CDHR3: variants seen among roughly 807,000 people sequenced by gnomAD.
The protein encoded by CDHR3 is cadherin-related family member 3.
CDHR3 carries 79 observed loss-of-function variants against 86.6 expected under a neutral mutation model. The ratio of observed to expected loss-of-function variants is 0.91; its 90% CI spans 0.76 to 1.10. The LOEUF (loss-of-function observed/expected upper bound fraction) is 1.10, where lower values mean the gene tolerates loss of function less well. CDHR3 is among the 50% of genes least tolerant of loss of function. The pLI is 0.00. For missense variants in CDHR3, 1,081 were observed against 1,077.6 expected, an observed-to-expected ratio of 1.00 and a Z score of -0.04; for synonymous variants, 421 against 402.4, an observed-to-expected ratio of 1.05 and a Z score of -0.55.
At chr7:105,970,532 T>C (rs752578899) in intron 1 of CDHR3, among the ~76,000 whole-genome samples, 1 of 152,324 alleles carries the variant, frequency 6.6e-6, no homozygotes, top group African/African-American at 2.4e-5. Context: ...TCTTGCTCTC[T>C]AGCACTCAGA....
At chr7:106,001,174 G>A (rs570295939) in intron 6 of CDHR3, among the ~76,000 whole-genome samples, 2 of 152,310 alleles carry the variant, frequency 1.3e-5, no homozygotes, top group Non-Finnish European at 2.9e-5. Flanking sequence ...TAATGCCAAG[G>A]CTGATCTGAA....
At chr7:105,970,066 G>C (rs924602593) in intron 1 of CDHR3, among the ~76,000 whole-genome samples, 6 of 152,138 alleles carry the variant, frequency 3.9e-5, no homozygotes, top group African/African-American at 1.4e-4. Context: ...ACTGCTGTTT[G>C]ATTAGGTACT....
intron 4 of CDHR3, among the ~76,000 whole-genome samples, chr7:105,989,222 C>CACT (rs1563251227): frequency 2.2e-5 from 3 of 137,940 alleles, no homozygotes; most frequent in Non-Finnish European, 4.7e-5. Context: ...ACCCACCCCC[C>CACT]CACCTCTTCT....
chr7:105,981,019 T>C lies in CDHR3; in HGVS notation c.301T>C (p.Phe101Leu), dbSNP rs1829652493. ...AGATTTTGAAACAGGACCAAACATA[T>C]TTGATTTGCAGATTTATGTGAAGGA... ...QLDFETGPNI[F>L]DLQIYVKDEV... is the part of the protein sequence containing the mutation. The change falls in exon 3 of 19, where the codon TTT becomes CTT. Residue 101 changes from phenylalanine (F) to leucine (L), a missense_variant. Phe to Leu is a conservative substitution (Grantham distance 22). Transcript: ENST00000317716. The C allele has an allele frequency of 1.9e-6, 3 of 1,611,664 alleles. No homozygotes were observed. Among genetic ancestry groups the C allele is most frequent in the Non-Finnish European group, 2.5e-6 (3 of 1,178,848 alleles).
chr7:106,009,830 C>G (rs914436031), intron 8 of CDHR3, among the ~76,000 whole-genome samples: 1 of 152,252 alleles, frequency 6.6e-6, no homozygotes, highest in Non-Finnish European at 1.5e-5. Context: ...AAGCGCTTTG[C>G]AAGCTGTTTG....
intron 8 of CDHR3, among the ~76,000 whole-genome samples, chr7:106,006,790 A>G (rs1332056281): frequency 6.6e-6 from 1 of 152,070 alleles, no homozygotes; most frequent in Non-Finnish European, 1.5e-5. Flanking sequence ...CAGTGGATTT[A>G]CCATTCTGGG....
intron 9 of CDHR3, among the ~76,000 whole-genome samples, chr7:106,014,599 A>G (rs1368589093): frequency 5.9e-5 from 9 of 152,278 alleles, no homozygotes; most frequent in Admixed American, 4.6e-4. Flanking sequence ...GCCACTGCAC[A>G]CCAGCCTGGG....
At chr7:105,974,101 G>A (rs41262) in intron 1 of CDHR3, among the ~76,000 whole-genome samples, 1 of 152,172 alleles carries the variant, frequency 6.6e-6, no homozygotes, top group Non-Finnish European at 1.5e-5. Flanking sequence ...GCAAAGTCTT[G>A]TAGTGTTGTG....
intron 5 of CDHR3, among the ~76,000 whole-genome samples, chr7:105,995,401 A>G (rs1312133784): frequency 6.6e-6 from 1 of 151,524 alleles, no homozygotes; most frequent in African/African-American, 2.5e-5. Context: ...AGGTTAATAA[A>G]CCAGACCAAG....
chr7:106,017,298 T>C (rs1263557477), intron 11 of CDHR3, among the ~76,000 whole-genome samples: 1 of 152,162 alleles, frequency 6.6e-6, no homozygotes, highest in African/African-American at 2.4e-5. Context: ...GGCTGACGAC[T>C]ATAATCCTAG....
chr7:106,025,726 A>G (rs1837251234), intron 15 of CDHR3, among the ~76,000 whole-genome samples: 1 of 152,252 alleles, frequency 6.6e-6, no homozygotes, highest in African/African-American at 2.4e-5. Flanking sequence ...ACAAGGCATT[A>G]GAATAAAGAT....
rs1287609343 is a variant in CDHR3, at chr7:106,033,476, G to A, written c.*779G>A. 1 of 152,204 alleles carries A rather than the reference G, an allele frequency of 6.6e-6. No individual in the cohort carries two copies. Among genetic ancestry groups the A allele is most frequent in the Non-Finnish European group, 1.5e-5 (1 of 68,036 alleles). The allele number at this position is 152,204 out of a possible 1,614,324, so 9.4% of individuals were successfully genotyped here. A position where few individuals can be genotyped will look rare whatever the true frequency, so the allele number is the denominator to read the frequency against. Reference sequence around the variant, plus strand: ...AGTGAACTACAGGCAGGGCATGATGGCTCATGCCTGTAATGCCAGCACTTT... The same window carrying A: ...AGTGAACTACAGGCAGGGCATGATGACTCATGCCTGTAATGCCAGCACTTT... On this transcript the variant is annotated 3_prime_UTR_variant, in exon 19 of 19. Coordinates refer to ENST00000317716, the MANE Select transcript of CDHR3 (RefSeq NM_152750.5).
At chr7:105,975,130 T>A (rs1287490397) in intron 2 of CDHR3, 84 bp downstream of exon 2, 5 of 1,139,452 alleles carry the variant, frequency 4.4e-6, no homozygotes, top group Non-Finnish European at 6.6e-6. Context: ...AGATCAGTGA[T>A]TAATTCCTCC....
At position 106,032,647 on chromosome 7, in the gene CDHR3, A is replaced by T; in HGVS notation, c.2608A>T (p.Asn870Tyr). ...CAAGCTGGGCAACCCAAAGAACAGA[A>T]ATCCAGCCTTCATGAACAGGGCTTA... ...GGKLGNPKNR[N>Y]PAFMNRAYPK... Residue 870 changes from asparagine (N) to tyrosine (Y), a missense_variant, in exon 19 of 19, where the codon AAT becomes TAT. Transcript: ENST00000317716. 24 of 1,613,862 alleles carry T rather than the reference A, an allele frequency of 1.5e-5. No individual in the cohort carries two copies. Among genetic ancestry groups the T allele is most frequent in the Non-Finnish European group, 2.0e-5 (24 of 1,179,818 alleles).
chr7:106,023,551 T>TCCC (rs1241066777), intron 14 of CDHR3, among the ~76,000 whole-genome samples: 1 of 151,838 alleles, frequency 6.6e-6, no homozygotes, highest in African/African-American at 2.4e-5. Context: ...CTCCTCTTCC[T>TCCC]CCTCCTCCTC....
chr7:105,966,442 C>T (rs913780087), intron 1 of CDHR3, among the ~76,000 whole-genome samples: 1 of 152,192 alleles, frequency 6.6e-6, no homozygotes, highest in African/African-American at 2.4e-5. Flanking sequence ...ATCATCTGTG[C>T]GTGGTTCTCT....
In CDHR3 at chr7:106,027,284, C is replaced by T. The variant is rs1837505057; in HGVS notation, c.2272+589C>T. 2.0e-5 allele frequency among the ~76,000 whole-genome samples: 3 copies of T among 151,882 alleles called. No homozygotes were observed. In the South Asian group the frequency reaches 6.2e-4, roughly 32 times the overall value. On this transcript the variant is annotated intron_variant, in intron 16 of 18. Transcript: ENST00000317716. ...TGGTGGCACGCACCTGTAGTCCCAG[C>T]TACTCGGGAGGCTGAGGCAGGAGAA...
chr7:106,012,788 C>T, intron 8 of CDHR3, 72 bp from the exon 9 acceptor site: 1 of 1,487,026 alleles, frequency 6.7e-7, no homozygotes, highest in East Asian at 2.3e-5. Flanking sequence ...GTGTCTAGCC[C>T]AGGGCCCATG....
intron 4 of CDHR3, among the ~76,000 whole-genome samples, chr7:105,986,508 A>G (rs1309392128): frequency 2.0e-5 from 3 of 152,214 alleles, no homozygotes; most frequent in Non-Finnish European, 4.4e-5. Context: ...AGAGATTAAC[A>G]AGAAGAGTAA....
Sources: gnomAD v4.1 joint callset for allele counts (sites outside exome capture counted in the v4.1 genomes callset) on GRCh38, gnomAD v4.1.1 for gene constraint, MANE v1.5 for transcripts, NCBI Gene and HGNC (gene_info 2026-07-23, HGNC 2026-07-21) for gene names.